NKAIN2: variants seen among roughly 807,000 people sequenced by gnomAD.
The protein encoded by NKAIN2 is sodium/potassium-transporting ATPase subunit beta-1-interacting protein 2.
A neutral mutation model predicts 32.6 loss-of-function variants in NKAIN2; 14 were observed. The ratio of observed to expected loss-of-function variants is 0.43; its 90% confidence interval spans 0.28 to 0.67. NKAIN2 has a LOEUF of 0.67. Ranked by LOEUF, NKAIN2 falls within the 30% of genes least tolerant of loss-of-function variation. The pLI, the probability that NKAIN2 is intolerant of heterozygous loss-of-function variation, is 0.17. For missense variants in NKAIN2, 198 were observed against 258.3 expected (o/e 0.77, Z 1.60); for synonymous variants, 80 against 87.2 (o/e 0.92, Z 0.46).
intron 3 of NKAIN2, among the ~76,000 whole-genome samples, chr6:124,474,555 T>C (rs1383488983): frequency 6.6e-6 from 1 of 152,132 alleles, no homozygotes; most frequent in East Asian, 1.9e-4. Context: ...ACACACCCTT[T>C]ACATACGCAT....
At chr6:123,850,639 CATTT>C (rs1200339369) in intron 1 of NKAIN2, among the ~76,000 whole-genome samples, 3 of 152,080 alleles carry the variant, frequency 2.0e-5, no homozygotes, top group Non-Finnish European at 4.4e-5. Flanking sequence ...ATAAACATTG[CATTT>C]ATTTATTATG....
intron 3 of NKAIN2, among the ~76,000 whole-genome samples, chr6:124,471,650 G>A (rs1776977480): frequency 6.6e-6 from 1 of 152,084 alleles, no homozygotes. Context: ...AGGTTATAAA[G>A]CACTGACATG....
chr6:124,697,175 G>A (rs1278704883), intron 4 of NKAIN2, among the ~76,000 whole-genome samples: 1 of 152,130 alleles, frequency 6.6e-6, no homozygotes, highest in Non-Finnish European at 1.5e-5. Context: ...CTGGGCATCT[G>A]CAGAATCCCT....
chr6:124,767,958 C>A (rs887130219), intron 4 of NKAIN2, among the ~76,000 whole-genome samples: 1 of 152,148 alleles, frequency 6.6e-6, no homozygotes, highest in African/African-American at 2.4e-5. Context: ...ATTTACCTGA[C>A]TTTTGATAGT....
intron 1 of NKAIN2, among the ~76,000 whole-genome samples, chr6:124,259,673 CA>C: frequency 6.6e-6 from 1 of 152,228 alleles, no homozygotes; most frequent in East Asian, 1.9e-4. Flanking sequence ...GGCCAGAAGA[CA>C]GAAGAAAAAC....
chr6:124,782,571 T>G (rs762848144), intron 4 of NKAIN2, among the ~76,000 whole-genome samples: 3 of 152,180 alleles, frequency 2.0e-5, no homozygotes, highest in African/African-American at 7.2e-5. Context: ...TCATGGATCC[T>G]TCTTTAGCCT....
At chr6:124,122,430 G>C (rs1006350079) in intron 1 of NKAIN2, among the ~76,000 whole-genome samples, 2 of 152,056 alleles carry the variant, frequency 1.3e-5, no homozygotes, top group African/African-American at 4.8e-5. Flanking sequence ...CATGTTATTA[G>C]ACTGACTTCA....
At chr6:124,358,951 A>G (rs12216131) in intron 3 of NKAIN2, among the ~76,000 whole-genome samples, 21,979 of 150,438 alleles carry the variant, frequency 0.15, 1,900 homozygotes, top group Admixed American at 0.26. Context: ...ATTTTTGTAT[A>G]AGGTGTAAGG....
rs965511362 is a variant in NKAIN2, at chr6:124,455,256, A to T, written c.273+99909A>T. On this transcript the variant is annotated intron_variant, in intron 3 of 6. Transcript: ENST00000368417. ...AGAAATAGTCACTATAAAGATGTTG[A>T]TGTGCGTGCAAAAGTTTGACCTTCG... is the stretch of plus-strand genomic sequence containing the variant. Among the ~76,000 whole-genome samples, 4 of 152,168 alleles carry T rather than the reference A, an allele frequency of 2.6e-5. No individual in the cohort carries two copies. The South Asian group carries it at 8.3e-4, about 32-fold the overall frequency.
chr6:124,696,242 T>C (rs1265727962), intron 4 of NKAIN2, among the ~76,000 whole-genome samples: 1 of 152,150 alleles, frequency 6.6e-6, no homozygotes, highest in Non-Finnish European at 1.5e-5. Flanking sequence ...CTGGTTTGTA[T>C]GAATCACTTT....
intron 3 of NKAIN2, among the ~76,000 whole-genome samples, chr6:124,522,519 C>T (rs1779153248): frequency 6.6e-6 from 1 of 152,132 alleles, no homozygotes; most frequent in Non-Finnish European, 1.5e-5. Flanking sequence ...TGCCATTGAG[C>T]TTATTCTCCA....
chr6:124,020,354 A>G (rs1283727571), intron 1 of NKAIN2, among the ~76,000 whole-genome samples: 4 of 152,148 alleles, frequency 2.6e-5, no homozygotes, highest in Non-Finnish European at 4.4e-5. Context: ...TATTGGATCC[A>G]TTCCCTTTGC....
intron 1 of NKAIN2, among the ~76,000 whole-genome samples, chr6:124,199,490 C>A (rs926888567): frequency 7.9e-5 from 12 of 152,130 alleles, no homozygotes; most frequent in African/African-American, 2.7e-4. Flanking sequence ...CTTTGTTTGA[C>A]ATCTTCAAAG....
chr6:124,547,116 CA>C (rs1356998446), intron 3 of NKAIN2, among the ~76,000 whole-genome samples: 2 of 151,886 alleles, frequency 1.3e-5, no homozygotes, highest in Admixed American at 6.6e-5. Context: ...ACATATTAAA[CA>C]GTTCCTTTTG....
chr6:124,611,027 G>A (rs1400222631), intron 3 of NKAIN2, among the ~76,000 whole-genome samples: 1 of 152,070 alleles, frequency 6.6e-6, no homozygotes, highest in Non-Finnish European at 1.5e-5. Flanking sequence ...TTAAATTAAA[G>A]GCCACTTAGA....
At chr6:124,363,911 C>T (rs988694070) in intron 3 of NKAIN2, among the ~76,000 whole-genome samples, 1 of 151,984 alleles carries the variant, frequency 6.6e-6, no homozygotes, top group Admixed American at 6.6e-5. Flanking sequence ...GAAGAAGATA[C>T]ACAATTGAAA....
chr6:124,189,486 G>A (rs1789910185), intron 1 of NKAIN2, among the ~76,000 whole-genome samples: 1 of 152,050 alleles, frequency 6.6e-6, no homozygotes, highest in Non-Finnish European at 1.5e-5. Context: ...AGATCACGAG[G>A]TCAGGAGTTC....
At chr6:124,077,862 A>T (rs767458606) in intron 1 of NKAIN2, among the ~76,000 whole-genome samples, 4 of 152,070 alleles carry the variant, frequency 2.6e-5, no homozygotes, top group Non-Finnish European at 4.4e-5. Context: ...GGCCTCCCAA[A>T]GTGCTGGGAT....
chr6:124,808,472 T>C (rs535193635), intron 5 of NKAIN2, among the ~76,000 whole-genome samples: 2 of 152,336 alleles, frequency 1.3e-5, no homozygotes, highest in African/African-American at 2.4e-5. Flanking sequence ...TAGGTATTGA[T>C]GGGACGTATC....
Sources: allele counts gnomAD v4.1 joint callset (sites outside exome capture counted in the v4.1 genomes callset), GRCh38; gene constraint gnomAD v4.1.1; transcripts MANE v1.5; gene names NCBI Gene and HGNC (gene_info 2026-07-23, HGNC 2026-07-21).